ACBD6: variants seen among roughly 807,000 people sequenced by gnomAD.
ACBD6 encodes acyl-CoA binding domain containing 6.
ACBD6 carries 28 observed loss-of-function variants against 37.2 expected under a neutral mutation model. The observed-to-expected ratio is 0.75, with a 90% CI of 0.56 to 1.03. The LOEUF (loss-of-function observed/expected upper bound fraction) is 1.03. Among genes scored for constraint, ACBD6 ranks in the 50% least tolerant of loss-of-function variants. The pLI, the probability that ACBD6 is intolerant of heterozygous loss-of-function variation, is 0.00. For synonymous variants in ACBD6, 113 were observed against 126.8 expected (o/e 0.89, Z 0.73); for missense variants, 340 against 337.4 (o/e 1.01, Z -0.06).
chr1:180,407,995 T>C (rs997200661), intron 5 of ACBD6, among the ~76,000 whole-genome samples: 3 of 152,186 alleles, frequency 2.0e-5, no homozygotes, highest in African/African-American at 2.4e-5. Flanking sequence ...TAAAAGTAGA[T>C]AAAATATACA....
At chr1:180,427,467 AAAAAT>A (rs974891454) in intron 4 of ACBD6, among the ~76,000 whole-genome samples, 4 of 152,224 alleles carry the variant, frequency 2.6e-5, no homozygotes, top group Admixed American at 2.0e-4. Flanking sequence ...TTTCTCTTAG[AAAAAT>A]AAAACACCAG....
chr1:180,330,734 GC>G (rs995514345), intron 6 of ACBD6, among the ~76,000 whole-genome samples: 15 of 152,322 alleles, frequency 9.8e-5, no homozygotes, highest in Middle Eastern at 6.8e-3. Context: ...TTTGGGAACT[GC>G]AGCTAAAACA....
chr1:180,491,840 C>T lies in ACBD6; in HGVS notation c.384+429G>A, dbSNP rs568538973. 1.2e-4 allele frequency among the ~76,000 whole-genome samples: 18 copies of T among 152,208 alleles called. No homozygotes were observed. The East Asian group carries it at 3.3e-3, about 28-fold the overall frequency. On this transcript the variant is annotated intron_variant, in intron 3 of 7. Transcript: ENST00000367595. Reference sequence around the variant, plus strand: ...TTTTCATTTTTCTGAGATGGAGTCTCACACTGTCACCCAGGCTGGAGTGCA... The same window carrying T: ...TTTTCATTTTTCTGAGATGGAGTCTTACACTGTCACCCAGGCTGGAGTGCA...
At chr1:180,378,416 T>G (rs372252519) in intron 6 of ACBD6, among the ~76,000 whole-genome samples, 2 of 152,192 alleles carry the variant, frequency 1.3e-5, no homozygotes, top group African/African-American at 4.8e-5. Context: ...AGAAAAACTG[T>G]TGAAATTCAA....
chr1:180,442,859 TCTA>T (rs1329750054), intron 3 of ACBD6, among the ~76,000 whole-genome samples: 3 of 152,228 alleles, frequency 2.0e-5, no homozygotes, highest in East Asian at 1.9e-4. Flanking sequence ...CACTTTTTCC[TCTA>T]CTTTCTTGAA....
intron 6 of ACBD6, among the ~76,000 whole-genome samples, chr1:180,330,497 T>C (rs1651439070): frequency 1.3e-5 from 2 of 152,018 alleles, no homozygotes; most frequent in African/African-American, 4.8e-5. Context: ...AAACCATACA[T>C]CTGTGATCAA....
In ACBD6 at chr1:180,335,787, C is replaced by T. The variant is rs1489085455; in HGVS notation, c.664-21065G>A. ...AACCCATCTCACATGCAGTGACACA[C>T]ATAAGCTCAAAATAAAGGGATGGAG... On this transcript the variant is annotated intron_variant, in intron 6 of 7. Transcript: ENST00000367595. 2.3e-4 allele frequency among the ~76,000 whole-genome samples: 33 copies of T among 145,448 alleles called. 3 individuals carry two copies. The highest frequency in any genetic ancestry group is 2.5e-5 in the African/African-American group (1 of 40,316).
In ACBD6 at chr1:180,493,570, T is replaced by A. The variant is rs149522452; in HGVS notation, c.288-1205A>T. Among the ~76,000 whole-genome samples the A allele has an allele frequency of 5.6e-3, 860 of 152,322 alleles. 6 individuals carry two copies. Among genetic ancestry groups the A allele is most frequent in the African/African-American group, 0.019 (797 of 41,556 alleles). On this transcript the variant is annotated intron_variant, in intron 2 of 7. Coordinates refer to ENST00000367595, the MANE Select transcript of ACBD6 (RefSeq NM_032360.4). The stretch of plus-strand genomic sequence containing the variant: ...TAATATCTTTCTGAGGTTTTCTAAA[T>A]TTATTTTCACTGAATTCCTTAAGAA...
chr1:180,275,593 A>AGTC, intron 9 of ACBD6: 1 of 152,312 alleles, frequency 6.6e-6, no homozygotes, highest in African/African-American at 2.4e-5. Context: ...TGAGCTTGCA[A>AGTC]GTCTACCCCT....
chr1:180,305,390 A>C (rs1650312682), intron 7 of ACBD6, among the ~76,000 whole-genome samples: 1 of 152,238 alleles, frequency 6.6e-6, no homozygotes, highest in South Asian at 2.1e-4. Context: ...TAATGAACTC[A>C]AACAAATCTA....
At chr1:180,496,893 T>G (rs1651761705) in intron 1 of ACBD6, among the ~76,000 whole-genome samples, 1 of 150,422 alleles carries the variant, frequency 6.6e-6, no homozygotes, top group South Asian at 2.1e-4. Flanking sequence ...AGGTATGCCA[T>G]CACAAACTCA....
At chr1:180,274,848 C>T (rs1281237254) in exon 10 of ACBD6, 4 of 385,900 alleles carry the variant, frequency 1.0e-5, no homozygotes, top group Non-Finnish European at 1.9e-5. Context: ...TGGGTCTCTC[C>T]CCTGCTGTTC....
chr1:180,308,111 A>T (rs10913964), intron 7 of ACBD6, among the ~76,000 whole-genome samples: 8,476 of 152,048 alleles, frequency 0.056, 624 homozygotes, highest in East Asian at 0.3. Flanking sequence ...TCAATTCTTC[A>T]CTTTAACTTA....
In ACBD6 at chr1:180,340,253, T is replaced by G. The variant is rs554368039; in HGVS notation, c.664-25531A>C. Reference sequence around the variant, plus strand: ...CACTGAAGGGTTGTGAGCAGAGGAATAGCTTGACTTCACTTATGGGTTAAG... The same window carrying G: ...CACTGAAGGGTTGTGAGCAGAGGAAGAGCTTGACTTCACTTATGGGTTAAG... On this transcript the variant is annotated intron_variant, in intron 6 of 7. Transcript: ENST00000367595. Among the ~76,000 whole-genome samples the G allele has an allele frequency of 5.3e-5, 8 of 152,238 alleles. No homozygotes were observed. In the South Asian group the frequency reaches 1.7e-3, roughly 32 times the overall value.
intron 6 of ACBD6, among the ~76,000 whole-genome samples, chr1:180,375,169 G>GA (rs1343260755): frequency 6.6e-6 from 1 of 152,092 alleles, no homozygotes; most frequent in Non-Finnish European, 1.5e-5. Context: ...CTATGAAAGA[G>GA]AAATACCTAT....
intron 6 of ACBD6, among the ~76,000 whole-genome samples, chr1:180,380,887 G>A (rs894034107): frequency 6.6e-6 from 1 of 152,116 alleles, no homozygotes; most frequent in African/African-American, 2.4e-5. Context: ...AACCTTAAAT[G>A]TGAGTAAATT....
At chr1:180,425,554 G>A (rs894330214) in intron 4 of ACBD6, among the ~76,000 whole-genome samples, 5 of 152,082 alleles carry the variant, frequency 3.3e-5, no homozygotes, top group African/African-American at 1.2e-4. Context: ...CCAGAATGAC[G>A]GCCTGTTAAA....
intron 6 of ACBD6, among the ~76,000 whole-genome samples, chr1:180,376,242 G>A (rs1653426352): frequency 6.6e-6 from 1 of 152,188 alleles, no homozygotes; most frequent in South Asian, 2.1e-4. Context: ...ATATAAATTA[G>A]TAAACCCTTC....
At chr1:180,312,597 T>C (rs1650636331) in intron 7 of ACBD6, among the ~76,000 whole-genome samples, 1 of 152,202 alleles carries the variant, frequency 6.6e-6, no homozygotes, top group Non-Finnish European at 1.5e-5. Flanking sequence ...GACACAGTTA[T>C]GGTATGCATG....
Sources: allele counts gnomAD v4.1 joint callset (sites outside exome capture counted in the v4.1 genomes callset), GRCh38; gene constraint gnomAD v4.1.1; transcripts MANE v1.5; gene names NCBI Gene and HGNC (gene_info 2026-07-23, HGNC 2026-07-21).